ZNF555: variants seen among roughly 807,000 people sequenced by gnomAD.
ZNF555 encodes the protein zinc finger protein 555.
A neutral mutation model predicts 14.0 loss-of-function variants in ZNF555; 10 were observed. That is an observed-to-expected ratio of 0.72 (90% CI 0.44 to 1.21). ZNF555 has a LOEUF of 1.21. Among genes scored for constraint, ZNF555 ranks in the 50% most tolerant of loss-of-function variants. The pLI is 0.00. For missense variants in ZNF555, 747 were observed against 762.0 expected, an observed-to-expected ratio of 0.98 and a Z score of 0.23; for synonymous variants, 277 against 262.4, an observed-to-expected ratio of 1.06 and a Z score of -0.54.
chr19:2,843,101 C>T (rs1048611157), intron 1 of ZNF555, among the ~76,000 whole-genome samples: 1 of 151,204 alleles, frequency 6.6e-6, no homozygotes, highest in African/African-American at 2.4e-5. Flanking sequence ...AAATCTGTGT[C>T]TTACATTCCA....
intron 1 of ZNF555, among the ~76,000 whole-genome samples, chr19:2,842,781 G>T (rs537554789): frequency 6.6e-6 from 1 of 152,210 alleles, no homozygotes; most frequent in Non-Finnish European, 1.5e-5. Context: ...GGTGGCTCAA[G>T]CCTGTCATCC....
chr19:2,845,256 T>G (rs1209856181), intron 1 of ZNF555, among the ~76,000 whole-genome samples: 1 of 152,238 alleles, frequency 6.6e-6, no homozygotes, highest in African/African-American at 2.4e-5. Flanking sequence ...CTGAGGATAA[T>G]GGCCTCCAGC....
chr19:2,858,024 AC>A lies in ZNF555; in HGVS notation c.*4074del, dbSNP rs2087698636. 1 of 152,256 alleles carries A rather than the reference AC, an allele frequency of 6.6e-6. No homozygotes were observed. The highest frequency in any genetic ancestry group is 2.4e-5 in the African/African-American group (1 of 41,288). The allele number at this position is 152,256 out of a possible 1,614,324, so 9.4% of individuals were successfully genotyped here. ...GGCAACATAGCGAGACCTCAACTCT[AC>A]CAAAAAATTAAAAAGTGAGCCAGGC... On this transcript the variant is annotated 3_prime_UTR_variant, in exon 4 of 4. Transcript: ENST00000334241.
chr19:2,841,646 G>A, intron 1 of ZNF555, 71 bp downstream of exon 1: 3 of 1,426,792 alleles, frequency 2.1e-6, no homozygotes, highest in Non-Finnish European at 2.8e-6. Context: ...ACCGCGGCTT[G>A]GGGGGAGCTG....
At chr19:2,851,790 AT>A (rs2087632625) in intron 3 of ZNF555, 139 bp downstream of exon 3, 5 of 758,212 alleles carry the variant, frequency 6.6e-6, no homozygotes, top group Non-Finnish European at 9.9e-6. Flanking sequence ...TTACAAAAAA[AT>A]ATTTCTTTAA....
rs1224814475 is a variant in ZNF555, at chr19:2,854,982, T to G, written c.*1030T>G. 6.6e-6 allele frequency: 1 copy of G among 152,196 alleles called. No individual in the cohort carries two copies. Among genetic ancestry groups the G allele is most frequent in the African/African-American group, 2.4e-5 (1 of 41,436 alleles). 9.4% of individuals were successfully genotyped at this position (152,196 alleles called of 1,614,324 possible). ...TTTATATAGTGAACACCTTGTTATC[T>G]TAATACTTCCAGTGGCTCTGTGATC... On this transcript the variant is annotated 3_prime_UTR_variant, in exon 4 of 4. Coordinates refer to ENST00000334241, the MANE Select transcript of ZNF555 (RefSeq NM_152791.5).
chr19:2,850,209 G>A lies in ZNF555; in HGVS notation c.4-378G>A, dbSNP rs2087617039. Reference sequence around the variant, plus strand: ...GTTTTGACCCTGTGCTTTGTGTAGTGCCGAATGATGGTGTGTGCAGCAGGG... The same window carrying A: ...GTTTTGACCCTGTGCTTTGTGTAGTACCGAATGATGGTGTGTGCAGCAGGG... On this transcript the variant is annotated intron_variant, in intron 1 of 3. Coordinates refer to ENST00000334241, the MANE Select transcript of ZNF555 (RefSeq NM_152791.5). Among the ~76,000 whole-genome samples the A allele has an allele frequency of 2.0e-5, 3 of 152,192 alleles. No individual in the cohort carries two copies. In the South Asian group the frequency reaches 6.2e-4, roughly 31 times the overall value.
In ZNF555 at chr19:2,854,212, T is replaced by A. The variant is rs1400189723; in HGVS notation, c.*260T>A. On this transcript the variant is annotated 3_prime_UTR_variant, in exon 4 of 4. Coordinates refer to ENST00000334241, the MANE Select transcript of ZNF555 (RefSeq NM_152791.5). The stretch of plus-strand genomic sequence containing the variant: ...ATTGTAACTGACTTAGTGTGACAGG[T>A]ATTGGATATTACGTATCTATTATAT... The A allele has an allele frequency of 2.2e-6, 1 of 454,324 alleles. No homozygotes were observed. Among genetic ancestry groups the A allele is most frequent in the South Asian group, 2.6e-5 (1 of 38,732 alleles). 28.1% of individuals were successfully genotyped at this position (454,324 alleles called of 1,614,324 possible).
In ZNF555 at chr19:2,853,574, C is replaced by T. The variant is rs529724642; in HGVS notation, c.1509C>T (p.Thr503=). 36 of 1,609,044 alleles carry T rather than the reference C, an allele frequency of 2.2e-5. No individual in the cohort carries two copies. Among genetic ancestry groups the T allele is most frequent in the Admixed American group, 1.9e-4 (11 of 59,458 alleles). The change falls in exon 4 of 4, where the codon ACC becomes ACT. Residue 503 remains threonine, a synonymous_variant. Transcript: ENST00000334241. ...ISLQKHMRRH[T]AEKLYKCKQC... ...TACAAAAACATATGAGAAGACATAC[C>T]GCAGAGAAACTCTATAAATGCAAGC...
Position 2,853,998 on chromosome 19 carries a change from C to G in ZNF555, c.*46C>G. On this transcript the variant is annotated 3_prime_UTR_variant, in exon 4 of 4. Coordinates refer to ENST00000334241, the MANE Select transcript of ZNF555 (RefSeq NM_152791.5). ...ACACTCAAGGAGTGTGTCTGTAGTT[C>G]ATTTGCAAATAAACATTTAGTTGAA... 1 of 1,595,392 alleles carries G rather than the reference C, an allele frequency of 6.3e-7. No homozygotes were observed. The highest frequency in any genetic ancestry group is 8.5e-7 in the Non-Finnish European group (1 of 1,172,706).
rs904804830 is a variant in ZNF555 at position 2,855,188 on chromosome 19, A to G, written c.*1236A>G. 2.0e-5 allele frequency: 3 copies of G among 152,196 alleles called. No homozygotes were observed. The highest frequency in any genetic ancestry group is 4.4e-5 in the Non-Finnish European group (3 of 68,044). The allele number at this position is 152,196 out of a possible 1,614,324, so 9.4% of individuals were successfully genotyped here. On this transcript the variant is annotated 3_prime_UTR_variant, in exon 4 of 4. Transcript: ENST00000334241. ...AGAACTAAATGCAGTTTCTTGATAT[A>G]GGTTAAATTATTAGGTTTGATTATG...
chr19:2,853,280 C>T lies in ZNF555; in HGVS notation c.1215C>T (p.Phe405=). The change falls in exon 4 of 4, where the codon TTC becomes TTT. Residue 405 remains phenylalanine (F), a synonymous_variant. Coordinates refer to ENST00000334241, the MANE Select transcript of ZNF555 (RefSeq NM_152791.5). The part of the protein sequence containing the change: ...PYECNQCGKA[F]SHPSSFRGHM... ...AATGCAACCAGTGCGGGAAAGCATTCAGTCACCCCTCCTCCTTTCGAGGAC... is the reference window on the plus strand; with the variant it reads ...AATGCAACCAGTGCGGGAAAGCATTTAGTCACCCCTCCTCCTTTCGAGGAC... 6.2e-7 allele frequency: 1 copy of T among 1,614,106 alleles called. No individual in the cohort carries two copies. Among genetic ancestry groups the T allele is most frequent in the South Asian group, 1.1e-5 (1 of 91,076 alleles).
chr19:2,843,435 CT>C (rs2087555603), intron 1 of ZNF555, among the ~76,000 whole-genome samples: 2 of 152,232 alleles, frequency 1.3e-5, no homozygotes, highest in African/African-American at 4.8e-5. Flanking sequence ...TTGTTCTTTT[CT>C]TTTGAATGAC....
chr19:2,850,377 A>G (rs1599564324), intron 1 of ZNF555, among the ~76,000 whole-genome samples: 1 of 152,220 alleles, frequency 6.6e-6, no homozygotes, highest in South Asian at 2.1e-4. Flanking sequence ...TGGTCCCAGT[A>G]AAAGTATAGA....
At position 2,853,216 on chromosome 19, in the gene ZNF555, G is replaced by T; in HGVS notation, c.1151G>T (p.Arg384Leu). The change falls in exon 4 of 4, where the codon CGA becomes CTA. Residue 384 changes from arginine (R) to leucine (L), a missense_variant. Transcript: ENST00000334241. ...ACCTTCATTTATCCCCAGTCCTTTC[G>T]AAGACATGAAAGGACTCATGGTGGA... ...GKTFIYPQSF[R>L]RHERTHGGEK... 1.2e-6 allele frequency: 2 copies of T among 1,614,074 alleles called. No homozygotes were observed. Among genetic ancestry groups the T allele is most frequent in the Non-Finnish European group, 1.7e-6 (2 of 1,180,022 alleles).
intron 1 of ZNF555, among the ~76,000 whole-genome samples, chr19:2,846,568 G>A (rs2144846622): frequency 6.6e-6 from 1 of 152,340 alleles, no homozygotes; most frequent in African/African-American, 2.4e-5. Flanking sequence ...CATAGTGAAG[G>A]CTGAGTTAGC....
At chr19:2,847,714 T>C (rs2087593646) in intron 1 of ZNF555, among the ~76,000 whole-genome samples, 1 of 152,192 alleles carries the variant, frequency 6.6e-6, no homozygotes, top group Non-Finnish European at 1.5e-5. Flanking sequence ...GATTAGATGA[T>C]GTCATTTTAC....
intron 1 of ZNF555, chr19:2,847,309 C>T (rs1367833124): frequency 6.6e-6 from 1 of 152,178 alleles, no homozygotes; most frequent in Non-Finnish European, 1.5e-5. Flanking sequence ...GTGTGTGTTT[C>T]TGTCTTCATG....
At chr19:2,842,508 T>C (rs1189228151) in intron 1 of ZNF555, among the ~76,000 whole-genome samples, 1 of 152,224 alleles carries the variant, frequency 6.6e-6, no homozygotes. Flanking sequence ...CGGAAATATA[T>C]TCTTTCACGG....
Sources: gnomAD v4.1 joint callset for allele counts (sites outside exome capture counted in the v4.1 genomes callset) on GRCh38, gnomAD v4.1.1 for gene constraint, MANE v1.5 for transcripts, NCBI Gene and HGNC (gene_info 2026-07-23, HGNC 2026-07-21) for gene names.